Variants in RAP1GAP2 observed in about 807,000 individuals in gnomAD.
The protein encoded by RAP1GAP2 is RAP1 GTPase activating protein 2.
Under a neutral mutation model 95.0 loss-of-function variants are expected in RAP1GAP2, and 27 were observed. The observed-to-expected ratio is 0.28, with a 90% CI of 0.21 to 0.39. RAP1GAP2 has a LOEUF of 0.39. Ranked by LOEUF, RAP1GAP2 falls within the 10% of genes least tolerant of loss-of-function variation. The pLI, the probability that RAP1GAP2 is intolerant of heterozygous loss-of-function variation, is 1.00. For missense variants in RAP1GAP2, 771 were observed against 970.0 expected (o/e 0.79, Z 2.72); for synonymous variants, 373 against 380.9 (o/e 0.98, Z 0.24).
chr17:3,007,936 T>C (rs373020950), intron 16 of RAP1GAP2, 75 bp from the exon 17 acceptor site: 1 of 1,527,422 alleles, frequency 6.5e-7, no homozygotes, highest in African/African-American at 1.4e-5. Context: ...AGGCCAGGTG[T>C]CTGGAGCTCA....
intron 1 of RAP1GAP2, among the ~76,000 whole-genome samples, chr17:2,761,670 T>TG (rs1171934367): frequency 2.0e-5 from 3 of 152,176 alleles, no homozygotes; most frequent in Non-Finnish European, 4.4e-5. Flanking sequence ...TCAGCACCCT[T>TG]GGGGATACCA....
At chr17:3,031,047 AGCCT>A (rs1208439024) in intron 23 of RAP1GAP2, 49 bp downstream of exon 23, 2 of 1,511,370 alleles carry the variant, frequency 1.3e-6, no homozygotes, top group Non-Finnish European at 1.8e-6. Flanking sequence ...GCAGAGGCCC[AGCCT>A]TCCTTCCTGA....
At chr17:2,939,839 T>G (rs1226481805) in intron 3 of RAP1GAP2, among the ~76,000 whole-genome samples, 1 of 152,188 alleles carries the variant, frequency 6.6e-6, no homozygotes, top group African/African-American at 2.4e-5. Context: ...AGCCCTGGGT[T>G]CCCCAGAAAA....
chr17:2,931,359 C>G (rs1233595987), intron 3 of RAP1GAP2, among the ~76,000 whole-genome samples: 3 of 150,794 alleles, frequency 2.0e-5, no homozygotes, highest in Non-Finnish European at 4.4e-5. Context: ...TTTGTTGTAT[C>G]AAGTGTTTTG....
rs35340739 is a variant in RAP1GAP2 at position 3,001,578 on chromosome 17, C to T, written c.1200+3202C>T. 2.3e-4 allele frequency among the ~76,000 whole-genome samples: 20 copies of T among 87,984 alleles called. 2 individuals are homozygous for T. Among genetic ancestry groups the T allele is most frequent in the Admixed American group, 1.5e-3 (14 of 9,384 alleles). The allele number at this position is 87,984 out of a possible 152,430, so 57.7% of individuals were successfully genotyped here. A position where few individuals can be genotyped will look rare whatever the true frequency, so the allele number is the denominator to read the frequency against. On this transcript the variant is annotated intron_variant, in intron 14 of 24. Transcript: ENST00000254695. ...CCAAGCACCAGGCTGAAGTGAGGCTCGTGGAGGTAACAAGATCAGCCTCAG... is the reference window on the plus strand; with the variant it reads ...CCAAGCACCAGGCTGAAGTGAGGCTTGTGGAGGTAACAAGATCAGCCTCAG...
intron 3 of RAP1GAP2, among the ~76,000 whole-genome samples, chr17:2,934,681 T>C (rs1156340038): frequency 6.6e-6 from 1 of 152,234 alleles, no homozygotes; most frequent in Admixed American, 6.5e-5. Context: ...TTAACAACTC[T>C]GAAATCAGGG....
At chr17:3,016,868 C>T (rs1479175976) in intron 17 of RAP1GAP2, among the ~76,000 whole-genome samples, 1 of 152,206 alleles carries the variant, frequency 6.6e-6, no homozygotes, top group Admixed American at 6.5e-5. Context: ...GTAGAGGGCC[C>T]AGAAGCCCAG....
At chr17:2,915,737 C>T (rs1003622873) in intron 3 of RAP1GAP2, among the ~76,000 whole-genome samples, 2 of 141,748 alleles carry the variant, frequency 1.4e-5, no homozygotes, top group Non-Finnish European at 3.0e-5. Context: ...CTCGCTCTGT[C>T]ACCAGGCTGG....
chr17:2,943,570 C>CAGGAG (rs930091313), intron 3 of RAP1GAP2, among the ~76,000 whole-genome samples: 21 of 151,848 alleles, frequency 1.4e-4, no homozygotes, highest in Admixed American at 1.1e-3. Context: ...GAGCCTGAGG[C>CAGGAG]AGGAGAATTG....
At chr17:3,007,230 C>T (rs575711017) in intron 16 of RAP1GAP2, among the ~76,000 whole-genome samples, 53 of 152,056 alleles carry the variant, frequency 3.5e-4, no homozygotes, top group Middle Eastern at 3.4e-3. Flanking sequence ...GCTTTGAGCT[C>T]GGGACGGTGG....
In RAP1GAP2 at chr17:2,800,535, C is replaced by G. The variant is rs1174208640; in HGVS notation, c.65C>G (p.Ala22Gly). Reference protein sequence around the residue: ...GFGWIDKTMLASLKVKKQELA... With the variant: ...GFGWIDKTMLGSLKVKKQELA... ...GGCAGGATCGACAAGACCATGCTGG[C>G]AAGTCTGAAGGTCAAGTAAGTAGCA... The change falls in exon 2 of 25, where the codon GCA becomes GGA. Residue 22 changes from alanine (A) to glycine (G), a missense_variant. By Grantham distance (60) the Ala-to-Gly change is moderately conservative. Transcript: ENST00000254695. 1 of 1,612,816 alleles carries G rather than the reference C, an allele frequency of 6.2e-7. No homozygotes were observed.
At chr17:2,980,263 C>A in intron 8 of RAP1GAP2, 24 bp from the exon 9 acceptor site, 1 of 1,612,356 alleles carries the variant, frequency 6.2e-7, no homozygotes, top group Non-Finnish European at 8.5e-7. Context: ...TTAGGGATGT[C>A]CTTTTTTCTC....
At chr17:2,814,477 C>G (rs562941364) in intron 2 of RAP1GAP2, among the ~76,000 whole-genome samples, 50 of 152,270 alleles carry the variant, frequency 3.3e-4, no homozygotes, top group South Asian at 1.5e-3. Context: ...CGCACAGCCC[C>G]TTCCCCATCG....
At chr17:2,910,068 A>C (rs554028353) in intron 3 of RAP1GAP2, among the ~76,000 whole-genome samples, 1 of 152,324 alleles carries the variant, frequency 6.6e-6, no homozygotes, top group African/African-American at 2.4e-5. Flanking sequence ...TCACCACAGG[A>C]GTGTCCCATC....
intron 2 of RAP1GAP2, among the ~76,000 whole-genome samples, chr17:2,898,206 C>T (rs1201935677): frequency 1.3e-5 from 2 of 152,182 alleles, no homozygotes; most frequent in East Asian, 1.9e-4. Context: ...GCCACCTCAC[C>T]CGGCCAACGG....
intron 1 of RAP1GAP2, among the ~76,000 whole-genome samples, chr17:2,766,216 C>A (rs1597269190): frequency 6.6e-6 from 1 of 152,148 alleles, no homozygotes; most frequent in Non-Finnish European, 1.5e-5. Flanking sequence ...TACCACGGCG[C>A]CTTTCTCCCA....
At chr17:2,858,509 G>C (rs1346544345) in intron 2 of RAP1GAP2, among the ~76,000 whole-genome samples, 1 of 152,078 alleles carries the variant, frequency 6.6e-6, no homozygotes, top group African/African-American at 2.4e-5. Flanking sequence ...CCCCAATCTT[G>C]TTTCATTTAT....
At chr17:2,881,069 T>C (rs1296582083) in intron 2 of RAP1GAP2, among the ~76,000 whole-genome samples, 1 of 152,100 alleles carries the variant, frequency 6.6e-6, no homozygotes, top group Non-Finnish European at 1.5e-5. Flanking sequence ...AAGACCAGCC[T>C]GGCCAACATG....
rs141259752 is a variant in RAP1GAP2, at chr17:2,991,225, C to T, written c.814-72C>T. On this transcript the variant is annotated intron_variant, in intron 11 of 24. Transcript: ENST00000254695. ...GGAAGAAAGGGACCAGGTACCTGGG[C>T]ATCCATATTCCTTCCTTTAGCATCA... The T allele has an allele frequency of 3.3e-4, 392 of 1,198,980 alleles. 1 individual carries two copies. In the African/African-American group the frequency reaches 5.3e-3, roughly 16 times the overall value. 74.3% of individuals were successfully genotyped at this position (1,198,980 alleles called of 1,614,324 possible). A position where few individuals can be genotyped will look rare whatever the true frequency, so the allele number is the denominator to read the frequency against.
Sources: allele counts gnomAD v4.1 joint callset (sites outside exome capture counted in the v4.1 genomes callset), GRCh38; gene constraint gnomAD v4.1.1; transcripts MANE v1.5; gene names NCBI Gene and HGNC (gene_info 2026-07-23, HGNC 2026-07-21).